NKAIN3: variants seen among roughly 807,000 people sequenced by gnomAD.
NKAIN3 encodes sodium/potassium-transporting ATPase subunit beta-1-interacting protein 3.
NKAIN3 carries 25 observed loss-of-function variants against 30.2 expected under a neutral mutation model. The ratio of observed to expected loss-of-function variants is 0.83; its 90% CI spans 0.60 to 1.16. NKAIN3 has a LOEUF of 1.16. NKAIN3 is among the 50% of genes most tolerant of loss of function. The pLI is 0.00. For missense variants in NKAIN3, 225 were observed against 254.1 expected (o/e 0.89, Z 0.78); for synonymous variants, 91 against 89.6 (o/e 1.02, Z -0.09).
chr8:62,645,487 A>T (rs1812433349), intron 3 of NKAIN3, among the ~76,000 whole-genome samples: 1 of 152,170 alleles, frequency 6.6e-6, no homozygotes, highest in Admixed American at 6.6e-5. Flanking sequence ...AATATTAATT[A>T]GGATAACTAT....
chr8:62,870,090 C>A (rs1820551991), intron 4 of NKAIN3, among the ~76,000 whole-genome samples: 1 of 151,148 alleles, frequency 6.6e-6, no homozygotes, highest in Admixed American at 6.6e-5. Flanking sequence ...TTCTTTGAGG[C>A]TTTTGGATGT....
At position 62,982,605 on chromosome 8, in the gene NKAIN3, G is replaced by A. The variant is rs559008033; in HGVS notation, c.*17198G>A. 1.3e-5 allele frequency: 2 copies of A among 152,208 alleles called. No homozygotes were observed. Among genetic ancestry groups the A allele is most frequent in the East Asian group, 1.9e-4 (1 of 5,180 alleles). 9.4% of individuals were successfully genotyped at this position (152,208 alleles called of 1,614,324 possible). On this transcript the variant is annotated 3_prime_UTR_variant, in exon 7 of 7. Transcript: ENST00000623646. ...TGAGATGCTATCTCTGGAAAAAAAT[G>A]AATAGATTTTCAAGATTGTGAGTCC...
intron 3 of NKAIN3, among the ~76,000 whole-genome samples, chr8:62,672,514 T>G (rs548141413): frequency 2.0e-5 from 3 of 152,224 alleles, no homozygotes; most frequent in African/African-American, 7.2e-5. Context: ...GAAGGATGTT[T>G]ACTATACTTG....
At chr8:62,850,293 G>C (rs186455095) in intron 4 of NKAIN3, among the ~76,000 whole-genome samples, 3 of 152,190 alleles carry the variant, frequency 2.0e-5, no homozygotes, top group African/African-American at 7.2e-5. Flanking sequence ...CCCACTTTTT[G>C]ATGGGGTTGT....
intron 2 of NKAIN3, among the ~76,000 whole-genome samples, chr8:62,581,034 T>C (rs1810273712): frequency 1.3e-5 from 2 of 148,306 alleles, no homozygotes; most frequent in Middle Eastern, 3.2e-3. Context: ...ACCCAGGAGA[T>C]CAAAGCTGCA....
chr8:62,309,746 A>G (rs1188692320), intron 1 of NKAIN3, among the ~76,000 whole-genome samples: 1 of 150,442 alleles, frequency 6.6e-6, no homozygotes, highest in African/African-American at 2.5e-5. Context: ...TATGTTCTGC[A>G]TCATAACTTA....
chr8:62,971,642 G>GC lies in NKAIN3; in HGVS notation c.*6236dup, dbSNP rs1823837394. Reference sequence around the variant, plus strand: ...AGCCAAACCTTGTCTCAAAAAAAAAGCGGGGGGGGCTTCATTTATTAGTAA... The same window carrying GC: ...AGCCAAACCTTGTCTCAAAAAAAAAGCCGGGGGGGGCTTCATTTATTAGTAA... On this transcript the variant is annotated 3_prime_UTR_variant, in exon 7 of 7. Coordinates refer to ENST00000623646, the MANE Select transcript of NKAIN3 (RefSeq NM_001304533.3). Among the ~76,000 whole-genome samples the GC allele has an allele frequency of 2.2e-5, 3 of 136,136 alleles. No homozygotes were observed. Among genetic ancestry groups the GC allele is most frequent in the Admixed American group, 2.2e-4 (3 of 13,762 alleles). The allele number at this position is 136,136 out of a possible 152,430, so 89.3% of individuals were successfully genotyped here. A position where few individuals can be genotyped will look rare whatever the true frequency, so the allele number is the denominator to read the frequency against.
chr8:62,602,777 T>C (rs1308716338), intron 3 of NKAIN3, among the ~76,000 whole-genome samples: 5 of 152,134 alleles, frequency 3.3e-5, no homozygotes, highest in African/African-American at 9.6e-5. Flanking sequence ...CTACTGCTAG[T>C]GGCCTCTGCT....
intron 4 of NKAIN3, among the ~76,000 whole-genome samples, chr8:62,889,792 G>A (rs762795343): frequency 1.3e-5 from 2 of 152,138 alleles, no homozygotes; most frequent in Non-Finnish European, 2.9e-5. Context: ...GCCAGGATTC[G>A]GAGAGGAGAA....
chr8:62,826,235 A>C (rs774243035), intron 4 of NKAIN3, among the ~76,000 whole-genome samples: 4 of 152,234 alleles, frequency 2.6e-5, no homozygotes, highest in Middle Eastern at 3.4e-3. Context: ...TAAAGGCATA[A>C]ACAAAAATAG....
intron 1 of NKAIN3, among the ~76,000 whole-genome samples, chr8:62,568,108 G>A (rs1485844127): frequency 2.0e-5 from 3 of 152,152 alleles, no homozygotes; most frequent in South Asian, 2.1e-4. Context: ...TATGGGTGGG[G>A]TGGAGAAGAA....
intron 4 of NKAIN3, among the ~76,000 whole-genome samples, chr8:62,779,485 C>G (rs1277260758): frequency 6.6e-6 from 1 of 152,062 alleles, no homozygotes; most frequent in Non-Finnish European, 1.5e-5. Flanking sequence ...ACTGAGACAG[C>G]ACAGAACTGT....
chr8:62,856,693 G>T (rs1820069295), intron 4 of NKAIN3: 3 of 747,968 alleles, frequency 4.0e-6, no homozygotes, highest in Non-Finnish European at 7.3e-6. Flanking sequence ...TGGCCCATCA[G>T]GTCTTGGAAA....
At chr8:62,378,689 A>T (rs1373986284) in intron 1 of NKAIN3, among the ~76,000 whole-genome samples, 1 of 152,228 alleles carries the variant, frequency 6.6e-6, no homozygotes, top group Non-Finnish European at 1.5e-5. Context: ...GGGTACACAG[A>T]AGACAAGAAT....
At chr8:62,358,783 G>A (rs950873873) in intron 1 of NKAIN3, among the ~76,000 whole-genome samples, 2 of 152,172 alleles carry the variant, frequency 1.3e-5, no homozygotes, top group South Asian at 2.1e-4. Context: ...TCTTATTTAT[G>A]CTAGGCTTAC....
At chr8:62,870,143 A>G (rs1369199421) in intron 4 of NKAIN3, among the ~76,000 whole-genome samples, 1 of 140,768 alleles carries the variant, frequency 7.1e-6, no homozygotes, top group East Asian at 2.1e-4. Context: ...CAGCTTGCAG[A>G]CGACCTATTG....
chr8:62,991,817 T>C (rs1213544500), intron 5 of NKAIN3, among the ~76,000 whole-genome samples: 2 of 152,192 alleles, frequency 1.3e-5, no homozygotes, highest in East Asian at 3.9e-4. Context: ...AACTCTTTAA[T>C]TGAACGTGTC....
chr8:62,702,392 C>T (rs1390277597), intron 3 of NKAIN3, among the ~76,000 whole-genome samples: 2 of 152,036 alleles, frequency 1.3e-5, no homozygotes, highest in Non-Finnish European at 2.9e-5. Context: ...GGGTCAAAGG[C>T]ATTGGAAAAA....
At chr8:62,281,513 A>T (rs1341261768) in intron 1 of NKAIN3, among the ~76,000 whole-genome samples, 1 of 152,120 alleles carries the variant, frequency 6.6e-6, no homozygotes, top group Non-Finnish European at 1.5e-5. Context: ...GTGGGCATTT[A>T]GTGCTATAAA....
Sources: allele counts gnomAD v4.1 joint callset (sites outside exome capture counted in the v4.1 genomes callset), GRCh38; gene constraint gnomAD v4.1.1; transcripts MANE v1.5; gene names NCBI Gene and HGNC (gene_info 2026-07-23, HGNC 2026-07-21).